ITSN1: variants seen among roughly 807,000 people sequenced by gnomAD.
The protein encoded by ITSN1 is intersectin-1.
ITSN1 carries 58 observed loss-of-function variants against 239.8 expected under a neutral mutation model. The observed-to-expected ratio is 0.24, with a 90% CI of 0.20 to 0.30. The LOEUF is 0.30. ITSN1 is among the 10% of genes least tolerant of loss of function. ITSN1 has a pLI of 1.00. For synonymous variants in ITSN1, 780 were observed against 770.8 expected, an observed-to-expected ratio of 1.01 and a Z score of -0.20; for missense variants, 1,558 against 2,103.3, an observed-to-expected ratio of 0.74 and a Z score of 5.07.
rs142262853 is a variant in ITSN1 at position 33,642,520 on chromosome 21, C to G, written c.-226C>G. On this transcript the variant is annotated 5_prime_UTR_variant, in exon 1 of 40. Transcript: ENST00000381318. ...AAGGAGGTAGAGAAGAGTGGAGGCG[C>G]CAGGGGAGGGAGCGTAGCTTGGTTG... 3 of 152,892 alleles carry G rather than the reference C, an allele frequency of 2.0e-5. No individual in the cohort carries two copies. The highest frequency in any genetic ancestry group is 6.5e-5 in the Admixed American group (1 of 15,284). 9.5% of individuals were successfully genotyped at this position (152,892 alleles called of 1,614,324 possible). A position where few individuals can be genotyped will look rare whatever the true frequency, so the allele number is the denominator to read the frequency against.
At chr21:33,765,068 A>G (rs1225206557) in intron 9 of ITSN1, among the ~76,000 whole-genome samples, 2 of 152,262 alleles carry the variant, frequency 1.3e-5, no homozygotes, top group East Asian at 1.9e-4. Flanking sequence ...ACAAATAGCC[A>G]TGCCCATTCA....
intron 1 of ITSN1, among the ~76,000 whole-genome samples, chr21:33,713,494 G>A (rs922519581): frequency 6.8e-6 from 1 of 147,068 alleles, no homozygotes; most frequent in African/African-American, 2.5e-5. Flanking sequence ...TGCTTGCCTC[G>A]GCCTCCCAGA....
chr21:33,863,114 C>T (rs1357852325), intron 31 of ITSN1, among the ~76,000 whole-genome samples: 3 of 152,192 alleles, frequency 2.0e-5, no homozygotes, highest in African/African-American at 7.2e-5. Context: ...TAACACCTTG[C>T]GGTCTTCATA....
intron 3 of ITSN1, 42 bp from the exon 4 acceptor site, chr21:33,722,546 T>TG (rs1334725434): frequency 1.8e-5 from 21 of 1,147,236 alleles, no homozygotes; most frequent in South Asian, 1.7e-5. Context: ...CAGCTGTTGT[T>TG]TTTTTTTTTT....
At chr21:33,708,451 C>T (rs531395286) in intron 1 of ITSN1, among the ~76,000 whole-genome samples, 136 of 151,902 alleles carry the variant, frequency 9.0e-4, no homozygotes, top group Middle Eastern at 3.4e-3. Flanking sequence ...TGCAATGGCG[C>T]GATCTCGGCT....
intron 38 of ITSN1, 103 bp downstream of exon 38, chr21:33,885,625 C>A: frequency 1.2e-6 from 1 of 821,740 alleles, no homozygotes; most frequent in East Asian, 2.5e-5. Context: ...TATTTCCATA[C>A]TCCCTGATCT....
At chr21:33,701,600 C>T (rs937880414) in intron 1 of ITSN1, among the ~76,000 whole-genome samples, 24 of 151,656 alleles carry the variant, frequency 1.6e-4, no homozygotes, top group Admixed American at 8.5e-4. Flanking sequence ...TGAGACCAAC[C>T]TGGCCAACAT....
chr21:33,833,639 G>A (rs1239731639), intron 27 of ITSN1, among the ~76,000 whole-genome samples: 1 of 152,230 alleles, frequency 6.6e-6, no homozygotes, highest in African/African-American at 2.4e-5. Context: ...AGGCCGAGGG[G>A]TGCAGATTAC....
intron 1 of ITSN1, among the ~76,000 whole-genome samples, chr21:33,644,608 A>G (rs2087756903): frequency 6.6e-6 from 1 of 152,024 alleles, no homozygotes; most frequent in African/African-American, 2.4e-5. Context: ...AGGGCATAAA[A>G]TGAGTGGTAG....
chr21:33,816,008 C>T (rs1459168153), intron 22 of ITSN1, among the ~76,000 whole-genome samples: 1 of 151,874 alleles, frequency 6.6e-6, no homozygotes, highest in African/African-American at 2.4e-5. Flanking sequence ...GTGGTGAAAC[C>T]TCATCTCTAC....
chr21:33,814,135 A>G, intron 22 of ITSN1, 63 bp downstream of exon 22: 1 of 1,548,200 alleles, frequency 6.5e-7, no homozygotes, highest in East Asian at 2.3e-5. Flanking sequence ...AACTTCAGCA[A>G]ATGCTTTTTG....
intron 1 of ITSN1, among the ~76,000 whole-genome samples, chr21:33,646,903 T>C (rs184033160): frequency 1.3e-5 from 2 of 152,222 alleles, no homozygotes; most frequent in East Asian, 3.9e-4. Context: ...GGAGAATCAC[T>C]TGAACCCAGG....
intron 1 of ITSN1, among the ~76,000 whole-genome samples, chr21:33,645,485 T>C (rs908121681): frequency 7.8e-6 from 1 of 127,452 alleles, no homozygotes; most frequent in East Asian, 3.5e-4. Flanking sequence ...TAAAAAAAAA[T>C]TTTTTTTAAT....
At chr21:33,827,063 G>T (rs2074011877) in intron 26 of ITSN1, among the ~76,000 whole-genome samples, 200 bp downstream of exon 26, 1 of 152,178 alleles carries the variant, frequency 6.6e-6, no homozygotes, top group East Asian at 1.9e-4. Flanking sequence ...CATGAAGAGT[G>T]GAGACGTTAC....
At chr21:33,648,439 G>A (rs902391325) in intron 1 of ITSN1, among the ~76,000 whole-genome samples, 4 of 152,082 alleles carry the variant, frequency 2.6e-5, no homozygotes, top group South Asian at 4.1e-4. Flanking sequence ...TTATGTTCTC[G>A]ATTGCTGTTG....
At chr21:33,671,322 C>T (rs967692409) in intron 1 of ITSN1, among the ~76,000 whole-genome samples, 24 of 151,966 alleles carry the variant, frequency 1.6e-4, no homozygotes, top group Admixed American at 1.2e-3. Context: ...GAGTTTCAAT[C>T]TTGTCACCCA....
intron 29 of ITSN1, among the ~76,000 whole-genome samples, chr21:33,847,088 A>G (rs1244072523): frequency 6.6e-6 from 1 of 152,174 alleles, no homozygotes; most frequent in Non-Finnish European, 1.5e-5. Context: ...CTATGGGATC[A>G]GTTTGTTAAG....
At chr21:33,658,124 A>G (rs2089246826) in intron 1 of ITSN1, among the ~76,000 whole-genome samples, 2 of 152,246 alleles carry the variant, frequency 1.3e-5, no homozygotes, top group Non-Finnish European at 2.9e-5. Context: ...CTATTCTTAC[A>G]ATAAACTAGA....
chr21:33,856,940 C>A, intron 30 of ITSN1, 83 bp downstream of exon 30: 3 of 1,349,480 alleles, frequency 2.2e-6, no homozygotes, highest in Non-Finnish European at 3.1e-6. Flanking sequence ...AGGTCTATGT[C>A]CTGATTCTGA....
Sources: allele counts gnomAD v4.1 joint callset (sites outside exome capture counted in the v4.1 genomes callset), GRCh38; gene constraint gnomAD v4.1.1; transcripts MANE v1.5; gene names NCBI Gene and HGNC (gene_info 2026-07-23, HGNC 2026-07-21).